The following HDAC4 variants were observed in gnomAD, a reference collection of about 807,000 sequenced individuals.
HDAC4 encodes histone deacetylase 4.
HDAC4 carries 16 observed loss-of-function variants against 135.1 expected under a neutral mutation model. The observed-to-expected ratio is 0.12, with a 90% CI of 0.08 to 0.18. HDAC4 has a LOEUF of 0.18. Among genes scored for constraint, HDAC4 ranks in the 10% least tolerant of loss-of-function variants. The pLI, the probability that HDAC4 is intolerant of heterozygous loss-of-function variation, is 1.00. For missense variants in HDAC4, 1,143 were observed against 1,511.8 expected, an observed-to-expected ratio of 0.76 and a Z score of 4.05; for synonymous variants, 685 against 653.4, an observed-to-expected ratio of 1.05 and a Z score of -0.74.
chr2:239,373,921 A>G (rs1041279079), intron 1 of HDAC4, among the ~76,000 whole-genome samples: 1 of 152,210 alleles, frequency 6.6e-6, no homozygotes, highest in Non-Finnish European at 1.5e-5. Flanking sequence ...TTTTACAGTT[A>G]AGCCTTGAAT....
intron 2 of HDAC4, among the ~76,000 whole-genome samples, chr2:239,248,340 C>A (rs1362558330): frequency 1.3e-5 from 2 of 152,074 alleles, no homozygotes; most frequent in Non-Finnish European, 2.9e-5. Context: ...GCCACCACGC[C>A]TGGCTAATTT....
In HDAC4 at chr2:239,053,035, T is replaced by C. The variant is rs2031114405; in HGVS notation, c.*62A>G. On this transcript the variant is annotated 3_prime_UTR_variant, in exon 27 of 27. Coordinates refer to ENST00000543185, the MANE Select transcript of HDAC4 (RefSeq NM_001378414.1). ...GGGACGCAGGCGTGACACGGGAAAG[T>C]TTCTTGGCTGAGCTTCAAGACAGAG... 6.2e-7 allele frequency: 1 copy of C among 1,601,680 alleles called. No individual in the cohort carries two copies. The highest frequency in any genetic ancestry group is 1.7e-5 in the Admixed American group (1 of 59,998).
chr2:239,073,063 G>A (rs75819467), intron 22 of HDAC4, among the ~76,000 whole-genome samples: 1 of 152,214 alleles, frequency 6.6e-6, no homozygotes, highest in Non-Finnish European at 1.5e-5. Context: ...GTGGGACTGT[G>A]TGGCTTCAGC....
chr2:239,296,645 T>TAA (rs2125571465), intron 2 of HDAC4, among the ~76,000 whole-genome samples: 1 of 152,208 alleles, frequency 6.6e-6, no homozygotes, highest in South Asian at 2.1e-4. Context: ...TCCTTGAAAA[T>TAA]AAGTCACTAA....
At chr2:239,336,912 G>T (rs889658393) in intron 2 of HDAC4, among the ~76,000 whole-genome samples, 3 of 152,178 alleles carry the variant, frequency 2.0e-5, no homozygotes, top group Non-Finnish European at 4.4e-5. Flanking sequence ...CTTAGGTGTC[G>T]CATGTCCTGA....
chr2:239,284,114 A>G (rs2050994426), intron 2 of HDAC4, among the ~76,000 whole-genome samples: 1 of 152,198 alleles, frequency 6.6e-6, no homozygotes, highest in African/African-American at 2.4e-5. Context: ...GTCTCTCCAC[A>G]TGACACTCAC....
chr2:239,329,422 T>TGCA (rs1334194937), intron 2 of HDAC4, among the ~76,000 whole-genome samples: 1 of 152,124 alleles, frequency 6.6e-6, no homozygotes, highest in Admixed American at 6.5e-5. Flanking sequence ...GCACAGCCTC[T>TGCA]GCAGCAGCAG....
chr2:239,363,024 A>T (rs1240298117), intron 1 of HDAC4, among the ~76,000 whole-genome samples: 1 of 152,236 alleles, frequency 6.6e-6, no homozygotes, highest in Non-Finnish European at 1.5e-5. Context: ...ATAAACAAAT[A>T]CAAAATAAGC....
intron 1 of HDAC4, among the ~76,000 whole-genome samples, chr2:239,359,788 A>C (rs1009351784): frequency 6.6e-6 from 1 of 152,152 alleles, no homozygotes; most frequent in Non-Finnish European, 1.5e-5. Context: ...GAAGCAGAAG[A>C]CTCGGGAATC....
intron 1 of HDAC4, among the ~76,000 whole-genome samples, chr2:239,387,539 C>T (rs1695903821): frequency 6.6e-6 from 1 of 152,248 alleles, no homozygotes; most frequent in East Asian, 1.9e-4. Flanking sequence ...AGGCACAGCA[C>T]TCTGTGACCA....
intron 23 of HDAC4, among the ~76,000 whole-genome samples, chr2:239,067,749 C>T (rs1016792048): frequency 1.2e-4 from 19 of 152,326 alleles, no homozygotes; most frequent in African/African-American, 2.4e-4. Flanking sequence ...ACCCTCCCCA[C>T]GCAAGGACCT....
chr2:239,109,863 A>G (rs2038511266), intron 14 of HDAC4, among the ~76,000 whole-genome samples: 1 of 152,240 alleles, frequency 6.6e-6, no homozygotes, highest in Non-Finnish European at 1.5e-5. Context: ...ACGTGCGCTA[A>G]TATTTACTAA....
intron 1 of HDAC4, among the ~76,000 whole-genome samples, chr2:239,395,588 T>C (rs1429182135): frequency 1.3e-5 from 2 of 152,198 alleles, no homozygotes; most frequent in African/African-American, 2.4e-5. Context: ...ATCTCTACAA[T>C]ACCACCATGT....
At chr2:239,305,802 C>G (rs1200636422) in intron 2 of HDAC4, among the ~76,000 whole-genome samples, 1 of 152,222 alleles carries the variant, frequency 6.6e-6, no homozygotes, top group Non-Finnish European at 1.5e-5. Flanking sequence ...CATGCACACA[C>G]AATTACACGT....
intron 24 of HDAC4, among the ~76,000 whole-genome samples, chr2:239,060,858 A>AG (rs1472614674): frequency 1.3e-5 from 2 of 152,266 alleles, no homozygotes; most frequent in East Asian, 3.9e-4. Flanking sequence ...TCCTTTACAG[A>AG]GGGGGCCCCA....
In HDAC4 at chr2:239,081,101, G is replaced by A. The variant is rs1166741606; in HGVS notation, c.2744C>T (p.Ala915Val). The A allele has an allele frequency of 1.2e-6, 2 of 1,613,114 alleles. No homozygotes were observed. The highest frequency in any genetic ancestry group is 1.3e-5 in the African/African-American group (1 of 74,924). Residue 915 changes from alanine (A) to valine (V), a missense_variant, in exon 22 of 27, where the codon GCC (alanine) becomes GTC (valine). By Grantham distance (64) the Ala-to-Val change is moderately conservative (BLOSUM62 0). Transcript: ENST00000543185. ...PPMGDAEYLA[A>V]FRTVVMPIAS... is the part of the protein sequence containing the mutation. ...GTGAAGCCGGGAGGCTCACCTGAAG[G>A]CCGCCAAGTACTCAGCGTCTCCCAT...
At chr2:239,344,642 G>T (rs1376917301) in intron 2 of HDAC4, among the ~76,000 whole-genome samples, 1 of 152,214 alleles carries the variant, frequency 6.6e-6, no homozygotes, top group Non-Finnish European at 1.5e-5. Flanking sequence ...ATCCAGGCTA[G>T]TGACAATCTG....
At chr2:239,164,528 AAG>A (rs1198702608) in intron 5 of HDAC4, among the ~76,000 whole-genome samples, 2 of 152,190 alleles carry the variant, frequency 1.3e-5, no homozygotes, top group African/African-American at 4.8e-5. Context: ...TTCTTTTTCA[AAG>A]CCTCATTAAA....
At position 239,398,009 on chromosome 2, in the gene HDAC4, TCA is replaced by T. The variant is rs368373694; in HGVS notation, c.-220+2967_-220+2968del. Among the ~76,000 whole-genome samples the T allele has an allele frequency of 4.1e-4, 62 of 152,326 alleles. No homozygotes were observed. The East Asian group carries it at 0.011, about 28-fold the overall frequency. ...GGGCTGCCAACAACAGGGCAGGGGC[TCA>T]GTCTCGGTTCCACAGCCCCAAGCTT... On this transcript the variant is annotated intron_variant, in intron 1 of 26. Coordinates refer to ENST00000543185, the MANE Select transcript of HDAC4 (RefSeq NM_001378414.1).
Sources: gnomAD v4.1 joint callset for allele counts (sites outside exome capture counted in the v4.1 genomes callset) on GRCh38, gnomAD v4.1.1 for gene constraint, MANE v1.5 for transcripts, NCBI Gene and HGNC (gene_info 2026-07-23, HGNC 2026-07-21) for gene names.